Variants in FLT1 observed in about 807,000 individuals in gnomAD.
FLT1 encodes fms related receptor tyrosine kinase 1, also known as vascular endothelial growth factor receptor 1.
A neutral mutation model predicts 156.3 loss-of-function variants in FLT1; 49 were observed. That is an observed-to-expected ratio of 0.31 (90% CI 0.25 to 0.40). The LOEUF is 0.40. Ranked by LOEUF, FLT1 falls within the 10% of genes least tolerant of loss-of-function variation. FLT1 has a pLI of 1.00. For synonymous variants in FLT1, 594 were observed against 583.8 expected (o/e 1.02, Z -0.25); for missense variants, 1,322 against 1,637.2 (o/e 0.81, Z 3.32).
intron 14 of FLT1, among the ~76,000 whole-genome samples, chr13:28,374,955 T>G (rs893927790): frequency 7.2e-5 from 11 of 152,140 alleles, no homozygotes; most frequent in Non-Finnish European, 1.2e-4. Flanking sequence ...TTCATACGAA[T>G]AGATGTTTGT....
At chr13:28,419,106 C>T (rs530561051) in intron 10 of FLT1, among the ~76,000 whole-genome samples, 44 of 152,230 alleles carry the variant, frequency 2.9e-4, no homozygotes, top group African/African-American at 1.1e-3. Flanking sequence ...GCAAAACGTC[C>T]TAGGAGGCTT....
Position 28,303,130 on chromosome 13 carries a change from C to T in FLT1, c.*37G>A. The stretch of plus-strand genomic sequence containing the variant: ...AGCTAGTTTCCTGGGGGTATAAATA[C>T]ACATGTGCTTCTAGAAATAAGGCTT... On this transcript the variant is annotated 3_prime_UTR_variant, in exon 30 of 30. Coordinates refer to ENST00000282397, the MANE Select transcript of FLT1 (RefSeq NM_002019.4). The T allele has an allele frequency of 6.3e-7, 1 of 1,580,010 alleles. No individual in the cohort carries two copies. The highest frequency in any genetic ancestry group is 8.6e-7 in the Non-Finnish European group (1 of 1,159,406).
chr13:28,479,721 G>A (rs566578734), intron 1 of FLT1, among the ~76,000 whole-genome samples: 2 of 152,296 alleles, frequency 1.3e-5, no homozygotes, highest in East Asian at 1.9e-4. Context: ...AGACTTTAGC[G>A]TTGTTTGTAT....
chr13:28,405,142 C>T (rs1875706913), intron 11 of FLT1, among the ~76,000 whole-genome samples: 1 of 152,082 alleles, frequency 6.6e-6, no homozygotes, highest in South Asian at 2.1e-4. Flanking sequence ...TCCACTGAGA[C>T]TTGCCTAGCT....
At chr13:28,334,197 A>G in intron 17 of FLT1, 68 bp from the exon 18 acceptor site, 2 of 1,014,354 alleles carry the variant, frequency 2.0e-6, no homozygotes, top group South Asian at 2.5e-5. Context: ...TTTTTCAGGA[A>G]GGAAATGCCT....
At position 28,494,799 on chromosome 13, in the gene FLT1, G is replaced by A; in HGVS notation, c.45C>T (p.Leu15=). 2.5e-6 allele frequency: 4 copies of A among 1,575,162 alleles called. No individual in the cohort carries two copies. The highest frequency in any genetic ancestry group is 3.4e-6 in the Non-Finnish European group (4 of 1,165,600). ...CCTCACCTGTGAGAAGCAGACAGCT[G>A]AGCAGCGCGCACAGCAGGACCCCGG... ...WDTGVLLCAL[L]SCLLLTGSSS... Residue 15 remains leucine (L), a synonymous_variant, in exon 1 of 30, where the codon CTC becomes CTT. Coordinates refer to ENST00000282397, the MANE Select transcript of FLT1 (RefSeq NM_002019.4).
At position 28,397,918 on chromosome 13, in the gene FLT1, G is replaced by T. The variant is rs144077609; in HGVS notation, c.1552-850C>A. ...TTTAGTGCTATTATTTGACAACTTA[G>T]TCCCTAAAGAAACATTAGCAGTCAA... On this transcript the variant is annotated intron_variant, in intron 11 of 29. Coordinates refer to ENST00000282397, the MANE Select transcript of FLT1 (RefSeq NM_002019.4). Among the ~76,000 whole-genome samples the T allele has an allele frequency of 2.0e-4, 30 of 152,042 alleles. No individual in the cohort carries two copies. In the East Asian group the frequency reaches 5.6e-3, roughly 28 times the overall value.
chr13:28,336,509 C>A (rs1186069424), intron 17 of FLT1, among the ~76,000 whole-genome samples: 1 of 152,196 alleles, frequency 6.6e-6, no homozygotes, highest in Non-Finnish European at 1.5e-5. Flanking sequence ...ATATTGGAAT[C>A]TCCTCCAAGA....
chr13:28,417,606 C>A (rs751673281), intron 10 of FLT1, among the ~76,000 whole-genome samples: 1 of 152,026 alleles, frequency 6.6e-6, no homozygotes, highest in African/African-American at 2.4e-5. Context: ...TATCTTTGAG[C>A]CACAATTTCT....
chr13:28,420,195 T>A (rs1396404439), intron 10 of FLT1, among the ~76,000 whole-genome samples: 1 of 152,222 alleles, frequency 6.6e-6, no homozygotes, highest in Non-Finnish European at 1.5e-5. Context: ...CCAGTAATTA[T>A]ATAACAGAAT....
intron 13 of FLT1, chr13:28,385,728 CA>C: frequency 1.0e-6 from 1 of 965,320 alleles, no homozygotes; most frequent in South Asian, 4.9e-5. Context: ...TGATACAATA[CA>C]ATTTATTTTA....
At position 28,361,782 on chromosome 13, in the gene FLT1, A is replaced by G. The variant is rs73453239; in HGVS notation, c.2117-4097T>C. ...ACATTTTTTCATGTGTGTATTAGCC[A>G]TTTTTATTTCAAAAGACCTGTTTTG... is the stretch of plus-strand genomic sequence containing the variant. On this transcript the variant is annotated intron_variant, in intron 14 of 29. Transcript: ENST00000282397. Among the ~76,000 whole-genome samples, 670 of 152,314 alleles carry G rather than the reference A, an allele frequency of 4.4e-3. 1 individual carries two copies. Among genetic ancestry groups the G allele is most frequent in the African/African-American group, 0.015 (603 of 41,576 alleles).
rs1321708251 is a variant in FLT1, at chr13:28,453,940, G to A, written c.388+12963C>T. On this transcript the variant is annotated intron_variant, in intron 3 of 29. Coordinates refer to ENST00000282397, the MANE Select transcript of FLT1 (RefSeq NM_002019.4). ...GAAAGGTCAGTAGGAGCACCATCCC[G>A]AGTTTGGGGGTGCCTAGGGTGCTTC... 2.0e-5 allele frequency among the ~76,000 whole-genome samples: 3 copies of A among 152,092 alleles called. No homozygotes were observed. In the East Asian group the frequency reaches 5.8e-4, roughly 29 times the overall value.
At chr13:28,416,406 G>A (rs1472589288) in intron 10 of FLT1, among the ~76,000 whole-genome samples, 2 of 152,210 alleles carry the variant, frequency 1.3e-5, no homozygotes, top group African/African-American at 4.8e-5. Context: ...CTAAGTAGTT[G>A]TGACACAACC....
chr13:28,329,701 G>A lies in FLT1; in HGVS notation c.2621C>T (p.Ala874Val), dbSNP rs1319953709. The change falls in exon 19 of 30, where the codon GCT becomes GTT. Residue 874 changes from alanine (A) to valine (V), a missense_variant. Coordinates refer to ENST00000282397, the MANE Select transcript of FLT1 (RefSeq NM_002019.4). ...KEGATASEYK[A>V]LMTELKILTH... Reference sequence around the variant, plus strand: ...CAAGATTTTTAGCTCAGTCATCAGAGCTTTGTACTCGCTGGCCGTGGCCCC... The same window carrying A: ...CAAGATTTTTAGCTCAGTCATCAGAACTTTGTACTCGCTGGCCGTGGCCCC... 6.2e-7 allele frequency: 1 copy of A among 1,614,190 alleles called. No individual in the cohort carries two copies. The highest frequency in any genetic ancestry group is 1.1e-5 in the South Asian group (1 of 91,080).
intron 3 of FLT1, among the ~76,000 whole-genome samples, chr13:28,458,210 C>T (rs928059391): frequency 6.6e-6 from 1 of 152,142 alleles, no homozygotes; most frequent in African/African-American, 2.4e-5. Context: ...CAGGCATGGG[C>T]CACCACACCC....
At chr13:28,311,482 C>T in intron 27 of FLT1, 108 bp downstream of exon 27, 1 of 964,636 alleles carries the variant, frequency 1.0e-6, no homozygotes, top group Non-Finnish European at 1.6e-6. Flanking sequence ...CTCTTTCTTT[C>T]TTTCTCTCTT....
intron 29 of FLT1, 41 bp downstream of exon 29, chr13:28,306,637 C>T (rs759588572): frequency 1.5e-6 from 2 of 1,363,470 alleles, no homozygotes; most frequent in Non-Finnish European, 2.1e-6. Flanking sequence ...CCCCTCGTAC[C>T]CCTCCATCAA....
At chr13:28,329,106 A>G (rs1456808479) in intron 19 of FLT1, among the ~76,000 whole-genome samples, 1 of 152,176 alleles carries the variant, frequency 6.6e-6, no homozygotes, top group Non-Finnish European at 1.5e-5. Flanking sequence ...ACCCTGCCAT[A>G]CGGAAAGAAA....
Sources: gnomAD v4.1 joint callset for allele counts (sites outside exome capture counted in the v4.1 genomes callset) on GRCh38, gnomAD v4.1.1 for gene constraint, MANE v1.5 for transcripts, NCBI Gene and HGNC (gene_info 2026-07-23, HGNC 2026-07-21) for gene names.